The following CPSF1 variants were observed in gnomAD, a reference collection of about 807,000 sequenced individuals.
CPSF1 encodes the protein cleavage and polyadenylation specificity factor subunit 1.
CPSF1 carries 106 observed loss-of-function variants against 175.8 expected under a neutral mutation model. That is an observed-to-expected ratio of 0.60 (90% CI 0.52 to 0.71). The LOEUF (loss-of-function observed/expected upper bound fraction) is 0.71. CPSF1 is among the 30% of genes least tolerant of loss of function. The pLI is 0.00. For synonymous variants in CPSF1, 1,024 were observed against 858.3 expected (o/e 1.19, Z -3.37); for missense variants, 1,734 against 2,022.9 (o/e 0.86, Z 2.74).
At position 144,409,332 on chromosome 8, in the gene CPSF1, A is replaced by C; in HGVS notation, c.-58T>G. On this transcript the variant is annotated 5_prime_UTR_variant, in exon 1 of 38. Coordinates refer to ENST00000616140, the MANE Select transcript of CPSF1 (RefSeq NM_013291.3). ...TCGAGAGGAACCGGGACAGCAGCGA[A>C]CTCAGTCCGGCCGGGCCCAGAAGCT... The C allele has an allele frequency of 2.4e-6, 1 of 421,092 alleles. No homozygotes were observed. The highest frequency in any genetic ancestry group is 3.7e-6 in the Non-Finnish European group (1 of 271,480). 26.1% of individuals were successfully genotyped at this position (421,092 alleles called of 1,614,324 possible). A position where few individuals can be genotyped will look rare whatever the true frequency, so the allele number is the denominator to read the frequency against.
At chr8:144,406,151 C>T (rs1554869031) in intron 2 of CPSF1, among the ~76,000 whole-genome samples, 1 of 110,590 alleles carries the variant, frequency 9.0e-6, no homozygotes, top group South Asian at 3.7e-4. Flanking sequence ...AGCAAGACCC[C>T]GTTTCTTAAA....
intron 2 of CPSF1, among the ~76,000 whole-genome samples, chr8:144,403,943 A>T (rs1821357044): frequency 6.6e-6 from 1 of 150,810 alleles, no homozygotes; most frequent in Admixed American, 6.6e-5. Flanking sequence ...GGCCGGGCAC[A>T]GTGGCTCACG....
In CPSF1 at chr8:144,400,690, G is replaced by C. The variant is rs2116877425; in HGVS notation, c.667C>G (p.Pro223Ala). The change falls in exon 7 of 38, where the codon CCC becomes GCC. Residue 223 changes from proline (P) to alanine (A), a missense_variant. Transcript: ENST00000616140. ...YEPTLLILFE[P>A]NQTWPGRVAV... Reference sequence around the variant, plus strand: ...GCTCACCCAGGCCAGGTCTGGTTGGGCTCAAACAGGATGAGGAGGGTAGGC... The same window carrying C: ...GCTCACCCAGGCCAGGTCTGGTTGGCCTCAAACAGGATGAGGAGGGTAGGC... The C allele has an allele frequency of 6.2e-7, 1 of 1,609,124 alleles. No individual in the cohort carries two copies. Among genetic ancestry groups the C allele is most frequent in the Admixed American group, 1.7e-5 (1 of 58,888 alleles).
chr8:144,400,937 G>T lies in CPSF1; in HGVS notation c.526C>A (p.Leu176Ile). The T allele has an allele frequency of 6.2e-7, 1 of 1,604,430 alleles. No homozygotes were observed. The highest frequency in any genetic ancestry group is 1.1e-5 in the South Asian group (1 of 90,374). ...GCTGGCACTCACCCCTCACCCACGAGCCCCTCGTGCTCCTCAGCCAGGCTC... is the reference window on the plus strand; with the variant it reads ...GCTGGCACTCACCCCTCACCCACGATCCCCTCGTGCTCCTCAGCCAGGCTC... Reference protein sequence around the residue: ...RESLAEEHEGLVGEGQRSSFL... With the variant: ...RESLAEEHEGIVGEGQRSSFL... The change falls in exon 6 of 38, where the codon CTC becomes ATC. Residue 176 changes from leucine (L) to isoleucine (I), a missense_variant. This residue lies in a region of CPSF1 where 122 missense variants were observed against 177.2 expected (regional missense o/e 0.69). Coordinates refer to ENST00000616140, the MANE Select transcript of CPSF1 (RefSeq NM_013291.3).
At chr8:144,395,575 G>A in intron 26 of CPSF1, 24 bp from the exon 27 acceptor site, 1 of 518,912 alleles carries the variant, frequency 1.9e-6, no homozygotes, top group South Asian at 1.5e-5. Flanking sequence ...ACAGGGGTCA[G>A]GGGATCCAGG....
In CPSF1 at chr8:144,398,287, ACC is replaced by A. The variant is rs369412364; in HGVS notation, c.1894+13_1894+14del. The A allele has an allele frequency of 1.5e-5, 6 of 410,584 alleles. 1 individual carries two copies. The highest frequency in any genetic ancestry group is 2.4e-5 in the Non-Finnish European group (6 of 254,376). The allele number at this position is 410,584 out of a possible 1,614,324, so 25.4% of individuals were successfully genotyped here. A position where few individuals can be genotyped will look rare whatever the true frequency, so the allele number is the denominator to read the frequency against. On this transcript the variant is annotated intron_variant, in intron 19 of 37. Coordinates refer to ENST00000616140, the MANE Select transcript of CPSF1 (RefSeq NM_013291.3). Reference sequence around the variant, plus strand: ...GCAGGCAGATGCCCAGGGCCCAACCACCCCCCCCACCTACCTCCTTCCAGCAG... The same window carrying A: ...GCAGGCAGATGCCCAGGGCCCAACCACCCCCCACCTACCTCCTTCCAGCAG...
chr8:144,408,194 T>C (rs1477382758), intron 2 of CPSF1, among the ~76,000 whole-genome samples: 1 of 151,974 alleles, frequency 6.6e-6, no homozygotes, highest in Non-Finnish European at 1.5e-5. Flanking sequence ...CCTACCTCCC[T>C]CCATCCCCAC....
At chr8:144,400,132 C>CGGGGGG in intron 9 of CPSF1, 34 bp downstream of exon 9, 14 of 1,067,920 alleles carry the variant, frequency 1.3e-5, no homozygotes, top group Non-Finnish European at 1.8e-5. Flanking sequence ...AAGCCGTCCC[C>CGGGGGG]GGGCCCCCCC....
Position 144,398,152 on chromosome 8 carries a change from A to G in CPSF1, c.1895-20T>C, listed in dbSNP as rs782795653. On this transcript the variant is annotated intron_variant, in intron 19 of 37. Coordinates refer to ENST00000616140, the MANE Select transcript of CPSF1 (RefSeq NM_013291.3). ...GATTCACTGTAGGCATGGGGCAGTC[A>G]GCATGCGCCTCCCCACCACCGTCCC... 6 of 1,276,062 alleles carry G rather than the reference A, an allele frequency of 4.7e-6. No homozygotes were observed. The highest frequency in any genetic ancestry group is 1.8e-5 in the South Asian group (1 of 55,042). 79.0% of individuals were successfully genotyped at this position (1,276,062 alleles called of 1,614,324 possible). A position where few individuals can be genotyped will look rare whatever the true frequency, so the allele number is the denominator to read the frequency against.
In CPSF1 at chr8:144,394,253, A is replaced by T; in HGVS notation, c.3792T>A (p.Asn1264Lys). The change falls in exon 33 of 38, where the codon AAT (asparagine) becomes AAA (lysine). Residue 1264 changes from asparagine (N) to lysine (K), a missense_variant. Transcript: ENST00000616140. ...ACATACCCAGAAAACCCAGCTGGGC[A>T]TTGTCCACCATGAAGTCCACGCTGT... Reference protein sequence around the residue: ...EVYSVDFMVDNAQLGFLVSDR... With the variant: ...EVYSVDFMVDKAQLGFLVSDR... 1 of 1,605,084 alleles carries T rather than the reference A, an allele frequency of 6.2e-7. No individual in the cohort carries two copies. Among genetic ancestry groups the T allele is most frequent in the South Asian group, 1.1e-5 (1 of 90,316 alleles).
intron 32 of CPSF1, 38 bp downstream of exon 32, chr8:144,394,341 T>C (rs781832643): frequency 6.3e-7 from 1 of 1,587,238 alleles, no homozygotes; most frequent in Non-Finnish European, 8.6e-7. Context: ...CTTGGGCGGG[T>C]ACCCACCCAG....
At chr8:144,400,603 T>C (rs1554866386) in intron 7 of CPSF1, 68 bp downstream of exon 7, 1 of 1,596,500 alleles carries the variant, frequency 6.3e-7, no homozygotes, top group Non-Finnish European at 8.5e-7. Flanking sequence ...CTAAACCCCA[T>C]GGGCCCCACC....
chr8:144,396,796 T>C (rs782219672), intron 24 of CPSF1, 44 bp downstream of exon 24: 2 of 1,613,540 alleles, frequency 1.2e-6, no homozygotes, highest in Admixed American at 1.7e-5. Flanking sequence ...ACCCACACCT[T>C]GTACCACACC....
intron 9 of CPSF1, 31 bp downstream of exon 9, chr8:144,400,135 G>GGGCC: frequency 4.1e-5 from 37 of 895,562 alleles, no homozygotes; most frequent in Middle Eastern, 3.7e-4. Context: ...CCGTCCCCGG[G>GGGCC]CCCCCCCCGC....
chr8:144,401,676 G>A lies in CPSF1; in HGVS notation c.145-3C>T, dbSNP rs2116886584. On this transcript the variant is annotated splice_polypyrimidine_tract_variant and splice_region_variant and intron_variant, in intron 2 of 37. Transcript: ENST00000616140. Reference sequence around the variant, plus strand: ...CTCCTGTCATTCTTGGTCAGAGCCTGGAGGGGAGAGAAAGACAGGGCAGTG... The same window carrying A: ...CTCCTGTCATTCTTGGTCAGAGCCTAGAGGGGAGAGAAAGACAGGGCAGTG... 81 of 1,606,568 alleles carry A rather than the reference G, an allele frequency of 5.0e-5. No individual in the cohort carries two copies. In the East Asian group the frequency reaches 5.2e-4, roughly 10 times the overall value.
intron 2 of CPSF1, among the ~76,000 whole-genome samples, chr8:144,402,489 G>C (rs1260972560): frequency 6.6e-6 from 1 of 152,040 alleles, no homozygotes; most frequent in Non-Finnish European, 1.5e-5. Context: ...ATTTTTAGTA[G>C]AGACAGGGTT....
chr8:144,395,674 G>A (rs1820680740), intron 26 of CPSF1, 123 bp from the exon 27 acceptor site: 1 of 785,566 alleles, frequency 1.3e-6, no homozygotes, highest in Non-Finnish European at 2.1e-6. Flanking sequence ...GTGGGTGAGG[G>A]GCAGCTGTGT....
rs782187928 is a variant in CPSF1, at chr8:144,393,940, T to C, written c.3958A>G (p.Thr1320Ala). ...ACCGACTTTTTGCTGAGCCCTTCAG[T>C]GGCCCCCCGGCACGGGGTCCTCCAG... Reference protein sequence around the residue: ...TFWRTPCRGATEGLSKKSVVW... With the variant: ...TFWRTPCRGAAEGLSKKSVVW... The change falls in exon 35 of 38, where the codon ACT becomes GCT. Residue 1320 changes from threonine (T) to alanine (A), a missense_variant. Physicochemically the swap from Thr to Ala is moderately conservative, Grantham distance 58 (BLOSUM62 0). Transcript: ENST00000616140. 1.2e-6 allele frequency: 2 copies of C among 1,613,592 alleles called. No homozygotes were observed. Among genetic ancestry groups the C allele is most frequent in the Admixed American group, 1.7e-5 (1 of 59,982 alleles).
In CPSF1 at chr8:144,397,855, G is replaced by A. The variant is rs781987550; in HGVS notation, c.2098C>T (p.Leu700=). 2 of 1,610,154 alleles carry A rather than the reference G, an allele frequency of 1.2e-6. No individual in the cohort carries two copies. The highest frequency in any genetic ancestry group is 1.1e-5 in the South Asian group (1 of 91,070). ...HHQSKVITLC[L]YRDLSGMFTT... is the part of the protein sequence containing the mutation. Reference sequence around the variant, plus strand: ...AACATGCCGCTGAGGTCTCGGTACAGGCACAGCGTAATCACCTTGGACTGC... The same window carrying A: ...AACATGCCGCTGAGGTCTCGGTACAAGCACAGCGTAATCACCTTGGACTGC... Residue 700 remains leucine (L), a synonymous_variant, in exon 21 of 38, where the codon CTG becomes TTG. Coordinates refer to ENST00000616140, the MANE Select transcript of CPSF1 (RefSeq NM_013291.3).
Sources: allele counts gnomAD v4.1 joint callset (sites outside exome capture counted in the v4.1 genomes callset), GRCh38; gene constraint gnomAD v4.1.1; regional missense constraint gnomAD v4.1.1; transcripts MANE v1.5; gene names NCBI Gene and HGNC (gene_info 2026-07-23, HGNC 2026-07-21).